ENTREP2: variants seen among roughly 807,000 people sequenced by gnomAD.
ENTREP2 encodes protein ENTREP2.
the ENTREP2 span, among the ~76,000 whole-genome samples, chr15:29,603,143 G>A: frequency 6.6e-6 from 1 of 152,138 alleles, no homozygotes; most frequent in Admixed American, 6.5e-5. Flanking sequence ...AAGGATGTGG[G>A]GGAAGAAGCT....
the ENTREP2 span, among the ~76,000 whole-genome samples, chr15:29,579,884 G>A: frequency 1.3e-5 from 2 of 151,658 alleles, no homozygotes; most frequent in Admixed American, 1.3e-4. Flanking sequence ...CTAATTTTTT[G>A]TATTTTTAGT....
the ENTREP2 span, among the ~76,000 whole-genome samples, chr15:29,207,298 C>G: frequency 1.3e-5 from 2 of 152,064 alleles, no homozygotes; most frequent in Non-Finnish European, 1.5e-5. Context: ...CTGGTCTCAC[C>G]GACTTCAAGA....
At chr15:29,478,020 T>TATATATATATATA in the ENTREP2 span, among the ~76,000 whole-genome samples, 19 of 37,816 alleles carry the variant, frequency 5.0e-4, 1 homozygote, top group African/African-American at 3.2e-3. Context: ...TATATATATA[T>TATATATATATATA]TTTTTTTTTT....
the ENTREP2 span, among the ~76,000 whole-genome samples, chr15:29,478,009 A>ATTT: frequency 1.3e-4 from 9 of 70,888 alleles, no homozygotes; most frequent in African/African-American, 3.3e-4. Context: ...ATATATATAT[A>ATTT]TATATATATA....
At chr15:29,598,942 C>T in the ENTREP2 span, among the ~76,000 whole-genome samples, 15 of 152,270 alleles carry the variant, frequency 9.9e-5, no homozygotes, top group East Asian at 9.7e-4. Context: ...GTGATCCGCC[C>T]GCCTCGGCCT....
the ENTREP2 span, among the ~76,000 whole-genome samples, chr15:29,379,365 T>A: frequency 2.0e-5 from 3 of 152,146 alleles, no homozygotes; most frequent in South Asian, 6.2e-4. Flanking sequence ...CCACTGATAG[T>A]CAGGAGGTTG....
At chr15:29,341,418 G>A in the ENTREP2 span, among the ~76,000 whole-genome samples, 434 of 152,268 alleles carry the variant, frequency 2.9e-3, 2 homozygotes, top group African/African-American at 9.8e-3. Context: ...GAACACTCAC[G>A]GGTCATAACC....
the ENTREP2 span, among the ~76,000 whole-genome samples, chr15:29,345,805 C>A: frequency 6.6e-6 from 1 of 152,104 alleles, no homozygotes; most frequent in East Asian, 1.9e-4. Context: ...GGACTTGAGG[C>A]CCCTCCTATC....
At chr15:29,216,506 C>G in the ENTREP2 span, among the ~76,000 whole-genome samples, 1 of 152,118 alleles carries the variant, frequency 6.6e-6, no homozygotes, top group Non-Finnish European at 1.5e-5. Context: ...ACTTGGATAT[C>G]TAGGTCTCTA....
At chr15:29,544,854 G>A in the ENTREP2 span, among the ~76,000 whole-genome samples, 2 of 152,276 alleles carry the variant, frequency 1.3e-5, no homozygotes, top group African/African-American at 4.8e-5. Flanking sequence ...AACAAACTGA[G>A]AAACAGCTGT....
At chr15:29,654,109 T>C in the ENTREP2 span, among the ~76,000 whole-genome samples, 8,775 of 152,244 alleles carry the variant, frequency 0.058, 788 homozygotes, top group African/African-American at 0.19. Flanking sequence ...TCTTAAATAT[T>C]AGACCCATCC....
the ENTREP2 span, among the ~76,000 whole-genome samples, chr15:29,294,534 T>C: frequency 8.5e-5 from 13 of 152,182 alleles, no homozygotes; most frequent in African/African-American, 3.1e-4. Context: ...TCCACTGTCC[T>C]AGAAAGGTTT....
chr15:29,558,077 A>G, the ENTREP2 span, among the ~76,000 whole-genome samples: 1 of 152,162 alleles, frequency 6.6e-6, no homozygotes, highest in Non-Finnish European at 1.5e-5. Context: ...CAATCATTCT[A>G]CAAACTTTTC....
At chr15:29,279,820 T>G in the ENTREP2 span, among the ~76,000 whole-genome samples, 3 of 152,174 alleles carry the variant, frequency 2.0e-5, no homozygotes, top group Admixed American at 2.0e-4. Context: ...TCACAAACTT[T>G]ATATCAACAT....
the ENTREP2 span, among the ~76,000 whole-genome samples, chr15:29,450,056 GTGTC>G: frequency 1.3e-5 from 2 of 152,150 alleles, no homozygotes; most frequent in Non-Finnish European, 2.9e-5. Flanking sequence ...CTTTGGAAAA[GTGTC>G]TGTTCATGTC....
chr15:29,149,417 G>C, the ENTREP2 span, among the ~76,000 whole-genome samples: 4 of 152,230 alleles, frequency 2.6e-5, no homozygotes, highest in African/African-American at 9.6e-5. Context: ...CCCTTGGAAA[G>C]CTCATGGCCC....
At chr15:29,133,467 C>T in the ENTREP2 span, among the ~76,000 whole-genome samples, 1 of 152,174 alleles carries the variant, frequency 6.6e-6, no homozygotes, top group Non-Finnish European at 1.5e-5. Context: ...CGCTCCCCTG[C>T]GCACGTGCCG....
chr15:29,552,832 A>AT, the ENTREP2 span, among the ~76,000 whole-genome samples: 8 of 152,256 alleles, frequency 5.3e-5, no homozygotes, highest in East Asian at 1.5e-3. Context: ...AAACAAGCAA[A>AT]ACCATTGAGA....
chr15:29,173,017 C>T, the ENTREP2 span, among the ~76,000 whole-genome samples: 1 of 152,192 alleles, frequency 6.6e-6, no homozygotes, highest in African/African-American at 2.4e-5. Flanking sequence ...CCTATTTCTG[C>T]CTCATTTCCA....
Sources: allele counts gnomAD v4.1 joint callset (sites outside exome capture counted in the v4.1 genomes callset), GRCh38; gene constraint gnomAD v4.1.1; transcripts MANE v1.5; gene names NCBI Gene and HGNC (gene_info 2026-07-23, HGNC 2026-07-21).